Variants in THSD7B observed in about 807,000 individuals in gnomAD.
The protein encoded by THSD7B is thrombospondin type 1 domain containing 7B.
A neutral mutation model predicts 213.6 loss-of-function variants in THSD7B; 138 were observed. The ratio of observed to expected loss-of-function variants is 0.65; its 90% CI spans 0.56 to 0.74. The LOEUF (loss-of-function observed/expected upper bound fraction) is 0.74, where lower values mean the gene tolerates loss of function less well. Among genes scored for constraint, THSD7B ranks in the 30% least tolerant of loss-of-function variants. The pLI, the probability that THSD7B is intolerant of heterozygous loss-of-function variation, is 0.00. For synonymous variants in THSD7B, 742 were observed against 687.0 expected (o/e 1.08, Z -1.25); for missense variants, 1,931 against 1,991.5 (o/e 0.97, Z 0.58).
Position 137,275,976 on chromosome 2 carries a change from A to G in THSD7B, c.2450A>G (p.Gln817Arg), listed in dbSNP as rs757911821. ...PCILVPESVW[Q>R]GITGSSEACG... ...ATCTTAGTGCCAGAGTCTGTCTGGC[A>G]GGGAATAACGGGCAGCAGTGAAGCC... Residue 817 changes from glutamine (Q) to arginine (R), a missense_variant, in exon 12 of 28, where the codon CAG (glutamine) becomes CGG (arginine). Coordinates refer to ENST00000409968, the MANE Select transcript of THSD7B (RefSeq NM_001316349.2). The G allele has an allele frequency of 1.9e-6, 3 of 1,612,294 alleles. No individual in the cohort carries two copies. The highest frequency in any genetic ancestry group is 8.5e-7 in the Non-Finnish European group (1 of 1,178,978).
At chr2:137,192,688 G>A (rs1328069386) in intron 7 of THSD7B, among the ~76,000 whole-genome samples, 1 of 152,050 alleles carries the variant, frequency 6.6e-6, no homozygotes, top group Non-Finnish European at 1.5e-5. Context: ...TATGCATTTT[G>A]CTTTAACTGC....
At chr2:137,094,785 G>C in intron 3 of THSD7B, 88 bp from the exon 4 acceptor site, 4 of 1,483,708 alleles carry the variant, frequency 2.7e-6, no homozygotes, top group Non-Finnish European at 3.6e-6. Flanking sequence ...TCAAATTTCA[G>C]AGTTTTTTTT....
chr2:137,545,104 G>C (rs186159276), intron 15 of THSD7B, among the ~76,000 whole-genome samples: 1 of 151,904 alleles, frequency 6.6e-6, no homozygotes, highest in African/African-American at 2.4e-5. Context: ...TTGTGGGAAT[G>C]CAGCTGTATT....
chr2:137,433,234 T>C (rs1233035649), intron 14 of THSD7B, among the ~76,000 whole-genome samples: 2 of 152,126 alleles, frequency 1.3e-5, no homozygotes, highest in East Asian at 1.9e-4. Flanking sequence ...GGGAAGAAAA[T>C]GTGATCTAAA....
intron 5 of THSD7B, among the ~76,000 whole-genome samples, chr2:137,128,053 T>A (rs1238088062): frequency 2.0e-5 from 3 of 152,136 alleles, no homozygotes; most frequent in Non-Finnish European, 4.4e-5. Context: ...ATGTAATATT[T>A]TCTTTTCTTA....
At chr2:137,569,520 G>C (rs1461385283) in intron 16 of THSD7B, among the ~76,000 whole-genome samples, 1 of 152,084 alleles carries the variant, frequency 6.6e-6, no homozygotes, top group African/African-American at 2.4e-5. Context: ...AGGATCTAAA[G>C]GTTTGGGTAC....
chr2:136,791,842 C>T (rs867716205), intron 1 of THSD7B, among the ~76,000 whole-genome samples: 2 of 151,896 alleles, frequency 1.3e-5, no homozygotes, highest in African/African-American at 2.4e-5. Context: ...AATGCTGCTA[C>T]GAACATTTAT....
At chr2:137,401,634 CT>C (rs35834967) in intron 12 of THSD7B, among the ~76,000 whole-genome samples, 12,315 of 132,584 alleles carry the variant, frequency 0.093, 570 homozygotes, top group Non-Finnish European at 0.13. Context: ...TTCTTTCTTT[CT>C]TTTTTTTTTT....
At chr2:137,584,774 A>C (rs910442816) in intron 17 of THSD7B, among the ~76,000 whole-genome samples, 2 of 152,090 alleles carry the variant, frequency 1.3e-5, no homozygotes, top group East Asian at 1.9e-4. Flanking sequence ...CGATGTTCAT[A>C]AGGGATATTG....
intron 1 of THSD7B, among the ~76,000 whole-genome samples, chr2:136,803,999 G>C (rs1682239498): frequency 6.6e-6 from 1 of 152,138 alleles, no homozygotes; most frequent in East Asian, 1.9e-4. Flanking sequence ...AATTCAAATG[G>C]TAATGTCTCT....
intron 1 of THSD7B, among the ~76,000 whole-genome samples, chr2:136,859,507 A>AAGGAACAGGCTACTT (rs1238770256): frequency 4.6e-5 from 7 of 152,316 alleles, no homozygotes; most frequent in Non-Finnish European, 1.0e-4. Context: ...ACCAAGAGTT[A>AAGGAACAGGCTACTT]AGGAACAGGC....
chr2:137,348,471 T>G (rs1287484682), intron 12 of THSD7B, among the ~76,000 whole-genome samples: 2 of 151,676 alleles, frequency 1.3e-5, no homozygotes, highest in Non-Finnish European at 3.0e-5. Context: ...CAGTTACAGA[T>G]TATGTCTCCA....
intron 2 of THSD7B, among the ~76,000 whole-genome samples, chr2:137,007,793 A>G (rs1379420812): frequency 6.6e-6 from 1 of 152,216 alleles, no homozygotes; most frequent in Non-Finnish European, 1.5e-5. Context: ...AGAAGTCTGT[A>G]TGATGAATTC....
intron 3 of THSD7B, among the ~76,000 whole-genome samples, chr2:137,087,694 A>G (rs941013059): frequency 1.1e-4 from 16 of 152,242 alleles, no homozygotes; most frequent in African/African-American, 3.9e-4. Flanking sequence ...ATGGATGGGT[A>G]GAATCTATAT....
chr2:137,119,939 C>G (rs2104942954), intron 5 of THSD7B, among the ~76,000 whole-genome samples: 1 of 152,248 alleles, frequency 6.6e-6, no homozygotes, highest in Middle Eastern at 3.4e-3. Flanking sequence ...CTGGAAATAT[C>G]TTTCACCTGT....
At chr2:137,272,763 G>A in intron 11 of THSD7B, 101 bp downstream of exon 11, 2 of 1,252,412 alleles carry the variant, frequency 1.6e-6, no homozygotes, top group Non-Finnish European at 2.2e-6. Context: ...TAAGTAAGAG[G>A]GGATCTGACA....
chr2:137,432,496 T>A (rs1463879923), intron 14 of THSD7B, among the ~76,000 whole-genome samples: 1 of 152,250 alleles, frequency 6.6e-6, no homozygotes, highest in Non-Finnish European at 1.5e-5. Flanking sequence ...GTTTTACTCT[T>A]CAGGCTAAAT....
At chr2:137,034,109 C>G (rs111706134) in intron 2 of THSD7B, among the ~76,000 whole-genome samples, 1,829 of 152,222 alleles carry the variant, frequency 0.012, 38 homozygotes, top group African/African-American at 0.042. Flanking sequence ...TCATCCATGT[C>G]CCTGCAAAGG....
rs1202704228 is a variant in THSD7B, at chr2:137,317,339, C to G, written c.2500+41313C>G. On this transcript the variant is annotated intron_variant, in intron 12 of 27. Coordinates refer to ENST00000409968, the MANE Select transcript of THSD7B (RefSeq NM_001316349.2). Reference sequence around the variant, plus strand: ...TTGATATTGTATAATGAGCCTATTTCTCGTAAACCTCTTTATAATGATATG... The same window carrying G: ...TTGATATTGTATAATGAGCCTATTTGTCGTAAACCTCTTTATAATGATATG... Among the ~76,000 whole-genome samples, 8 of 152,264 alleles carry G rather than the reference C, an allele frequency of 5.3e-5. No individual in the cohort carries two copies. The East Asian group carries it at 1.4e-3, about 26-fold the overall frequency.
Sources: gnomAD v4.1 joint callset for allele counts (sites outside exome capture counted in the v4.1 genomes callset) on GRCh38, gnomAD v4.1.1 for gene constraint, MANE v1.5 for transcripts, NCBI Gene and HGNC (gene_info 2026-07-23, HGNC 2026-07-21) for gene names.